ATOH8: variants seen among roughly 807,000 people sequenced by gnomAD.
ATOH8 encodes the protein atonal bHLH transcription factor 8, also known as transcription factor ATOH8.
ATOH8 carries 9 observed loss-of-function variants against 21.2 expected under a neutral mutation model. The ratio of observed to expected loss-of-function variants is 0.42; its 90% CI spans 0.26 to 0.74. The LOEUF (loss-of-function observed/expected upper bound fraction) is 0.74. Ranked by LOEUF, ATOH8 falls within the 30% of genes least tolerant of loss-of-function variation. The pLI is 0.24. For synonymous variants in ATOH8, 253 were observed against 224.0 expected, an observed-to-expected ratio of 1.13 and a Z score of -1.16; for missense variants, 524 against 470.9, an observed-to-expected ratio of 1.11 and a Z score of -1.04.
At chr2:85,760,859 G>C (rs1679851413) in intron 1 of ATOH8, 1 of 152,276 alleles carries the variant, frequency 6.6e-6, no homozygotes, top group Non-Finnish European at 1.5e-5. Flanking sequence ...ATGAGGAAAC[G>C]GAGGCTCTGA....
At chr2:85,757,380 C>A (rs1031384991) in intron 1 of ATOH8, among the ~76,000 whole-genome samples, 2 of 152,252 alleles carry the variant, frequency 1.3e-5, no homozygotes, top group Admixed American at 6.5e-5. Flanking sequence ...CTCCGCACCC[C>A]CTCCCCGAAT....
At chr2:85,771,723 G>A (rs1368879983) in intron 2 of ATOH8, among the ~76,000 whole-genome samples, 1 of 152,194 alleles carries the variant, frequency 6.6e-6, no homozygotes. Context: ...AATCGGCACT[G>A]CAGCAGACCA....
Position 85,766,948 on chromosome 2 carries a change from C to G in ATOH8, c.960+2766C>G, listed in dbSNP as rs1388885249. ...TGGTCCCCTCGGCAGATGTCCTGCC[C>G]CAGAGTGGACTCATGGGCCCTGACA... On this transcript the variant is annotated intron_variant, in intron 2 of 2. Coordinates refer to ENST00000306279, the MANE Select transcript of ATOH8 (RefSeq NM_032827.7). The surrounding 1 kb of genome is among the most constrained non-coding windows in gnomAD (Gnocchi z 4.0). Among the ~76,000 whole-genome samples, 3 of 152,134 alleles carry G rather than the reference C, an allele frequency of 2.0e-5. No homozygotes were observed. The highest frequency in any genetic ancestry group is 4.4e-5 in the Non-Finnish European group (3 of 68,016).
chr2:85,759,298 C>A (rs947392868), intron 1 of ATOH8, among the ~76,000 whole-genome samples: 2 of 152,202 alleles, frequency 1.3e-5, no homozygotes, highest in Admixed American at 1.3e-4. Context: ...GCACTGGGGG[C>A]TCCATGCAGG....
Position 85,786,934 on chromosome 2 carries a change from C to T in ATOH8, c.*44C>T. ...AAGGCCACCACTGTGGGCCCTCCTT[C>T]CAGTCAGGCCTGAGGACAAGGTGAG... On this transcript the variant is annotated 3_prime_UTR_variant, in exon 3 of 3. Transcript: ENST00000306279. 1 of 1,613,976 alleles carries T rather than the reference C, an allele frequency of 6.2e-7. No individual in the cohort carries two copies. Among genetic ancestry groups the T allele is most frequent in the African/African-American group, 1.3e-5 (1 of 75,048 alleles).
rs775152803 is a variant in ATOH8, at chr2:85,754,726, G to A, written c.537G>A (p.Val179=). 3.1e-6 allele frequency: 5 copies of A among 1,612,176 alleles called. No individual in the cohort carries two copies. In the African/African-American group the frequency reaches 6.7e-5, roughly 22 times the overall value. ...PAPPAPPEST[V]RPAPPTRPGE... ...CGCCAGCGCCCCCGGAGTCCACTGTGCGCCCTGCGCCCCCGACGCGCCCCG... is the reference window on the plus strand; with the variant it reads ...CGCCAGCGCCCCCGGAGTCCACTGTACGCCCTGCGCCCCCGACGCGCCCCG... Residue 179 remains valine, a synonymous_variant, in exon 1 of 3, where the codon GTG becomes GTA. Transcript: ENST00000306279.
At chr2:85,778,787 G>T (rs1680404665) in intron 2 of ATOH8, among the ~76,000 whole-genome samples, 2 of 152,250 alleles carry the variant, frequency 1.3e-5, no homozygotes, top group African/African-American at 4.8e-5. Context: ...AGGCAGGCCT[G>T]ATGGGGACCC....
rs1679593235 is a variant in ATOH8 at position 85,754,213 on chromosome 2, G to A, written c.24G>A (p.Glu8=). ...CCATGAAGCACATCCCGGTCCTCGA[G>A]GACGGGCCGTGGAAGACCGTGTGCG... MKHIPVL[E]DGPWKTVCVK... The change falls in exon 1 of 3, where the codon GAG becomes GAA. Residue 8 remains glutamate (E), a synonymous_variant. Coordinates refer to ENST00000306279, the MANE Select transcript of ATOH8 (RefSeq NM_032827.7). 1 of 1,599,632 alleles carries A rather than the reference G, an allele frequency of 6.3e-7. No homozygotes were observed. Among genetic ancestry groups the A allele is most frequent in the Non-Finnish European group, 8.5e-7 (1 of 1,174,634 alleles).
intron 2 of ATOH8, among the ~76,000 whole-genome samples, chr2:85,772,316 G>A (rs917542365): frequency 5.3e-5 from 8 of 152,226 alleles, no homozygotes; most frequent in Non-Finnish European, 1.2e-4. Context: ...CCATTCGGGC[G>A]CTGTGGTTTT....
At chr2:85,780,105 G>T (rs1281863234) in intron 2 of ATOH8, among the ~76,000 whole-genome samples, 1 of 152,190 alleles carries the variant, frequency 6.6e-6, no homozygotes, top group Non-Finnish European at 1.5e-5. Flanking sequence ...GGCCCTCATT[G>T]TCCTGGACTA....
rs1245278166 is a variant in ATOH8 at position 85,788,499 on chromosome 2, C to T, written c.*1609C>T. On this transcript the variant is annotated 3_prime_UTR_variant, in exon 3 of 3. Transcript: ENST00000306279. ...TTCCAGCCCCATCACCAGTCCCAGC[C>T]CAAAGTCTCTTGTGTGGCCTTGTCA... Among the ~76,000 whole-genome samples the T allele has an allele frequency of 1.3e-5, 2 of 152,168 alleles. No individual in the cohort carries two copies. Among genetic ancestry groups the T allele is most frequent in the African/African-American group, 4.8e-5 (2 of 41,434 alleles).
chr2:85,788,220 G>C lies in ATOH8; in HGVS notation c.*1330G>C, dbSNP rs181317265. On this transcript the variant is annotated 3_prime_UTR_variant, in exon 3 of 3. Coordinates refer to ENST00000306279, the MANE Select transcript of ATOH8 (RefSeq NM_032827.7). ...GAGTGTGTGTGTCTGTGTGTGGAAG[G>C]GGGTGGAGGGCGGTTCCCACAGTAG... Among the ~76,000 whole-genome samples the C allele has an allele frequency of 6.5e-4, 99 of 151,992 alleles. 1 individual carries two copies. The highest frequency in any genetic ancestry group is 1.3e-3 in the Non-Finnish European group (90 of 67,940).
At chr2:85,771,398 C>T (rs1311153077) in intron 2 of ATOH8, among the ~76,000 whole-genome samples, 1 of 152,178 alleles carries the variant, frequency 6.6e-6, no homozygotes, top group Non-Finnish European at 1.5e-5. Context: ...GGCTGGTGTT[C>T]CCGGTGAGTG....
chr2:85,756,453 G>A (rs936658104), intron 1 of ATOH8, among the ~76,000 whole-genome samples: 4 of 152,198 alleles, frequency 2.6e-5, no homozygotes, highest in African/African-American at 9.7e-5. Flanking sequence ...AGACTGGGGA[G>A]GCACGTGCCC....
chr2:85,769,072 A>G (rs549542648), intron 2 of ATOH8, among the ~76,000 whole-genome samples: 127 of 152,296 alleles, frequency 8.3e-4, no homozygotes, highest in African/African-American at 2.9e-3. Context: ...AAAGAGGAAG[A>G]CAAGGAGGAG....
chr2:85,754,527 C>T lies in ATOH8; in HGVS notation c.338C>T (p.Ala113Val), dbSNP rs959307736. 8 of 1,431,000 alleles carry T rather than the reference C, an allele frequency of 5.6e-6. No homozygotes were observed. In the Admixed American group the frequency reaches 1.9e-4, roughly 33 times the overall value. 88.6% of individuals were successfully genotyped at this position (1,431,000 alleles called of 1,614,324 possible). A position where few individuals can be genotyped will look rare whatever the true frequency, so the allele number is the denominator to read the frequency against. ...EVSDARKRCF[A>V]LGAVGPGLPT... ...TCCGACGCGCGGAAACGCTGCTTCGCCCTAGGCGCAGTGGGGCCAGGACTC... is the reference window on the plus strand; with the variant it reads ...TCCGACGCGCGGAAACGCTGCTTCGTCCTAGGCGCAGTGGGGCCAGGACTC... Residue 113 changes from alanine to valine, a missense_variant, in exon 1 of 3, where the codon GCC becomes GTC. Physicochemically the swap from Ala to Val is moderately conservative, Grantham distance 64. Coordinates refer to ENST00000306279, the MANE Select transcript of ATOH8 (RefSeq NM_032827.7).
rs1386859766 is a variant in ATOH8, at chr2:85,786,894, G to A, written c.*4G>A. On this transcript the variant is annotated 3_prime_UTR_variant, in exon 3 of 3. Coordinates refer to ENST00000306279, the MANE Select transcript of ATOH8 (RefSeq NM_032827.7). ...TGGTCATGTCTTTCAGGAGTGACTGGCTGCAGGCAAGACCAAGGCCACCAC... is the reference window on the plus strand; with the variant it reads ...TGGTCATGTCTTTCAGGAGTGACTGACTGCAGGCAAGACCAAGGCCACCAC... The A allele has an allele frequency of 6.2e-7, 1 of 1,614,158 alleles. No homozygotes were observed. Among genetic ancestry groups the A allele is most frequent in the Non-Finnish European group, 8.5e-7 (1 of 1,180,008 alleles).
Position 85,789,256 on chromosome 2 carries a change from T to C in ATOH8, c.*2366T>C, listed in dbSNP as rs986494386. Among the ~76,000 whole-genome samples the C allele has an allele frequency of 6.6e-6, 1 of 152,166 alleles. No individual in the cohort carries two copies. Among genetic ancestry groups the C allele is most frequent in the Non-Finnish European group, 1.5e-5 (1 of 68,032 alleles). Reference sequence around the variant, plus strand: ...GTTTCCCTTTCATTCTGAAGCATCATTGATGACCAGCTGCCTGTCAGACAC... The same window carrying C: ...GTTTCCCTTTCATTCTGAAGCATCACTGATGACCAGCTGCCTGTCAGACAC... On this transcript the variant is annotated 3_prime_UTR_variant, in exon 3 of 3. Transcript: ENST00000306279.
At position 85,766,475 on chromosome 2, in the gene ATOH8, G is replaced by A. The variant is rs1386672462; in HGVS notation, c.960+2293G>A. 2.0e-5 allele frequency among the ~76,000 whole-genome samples: 3 copies of A among 152,036 alleles called. No homozygotes were observed. The highest frequency in any genetic ancestry group is 4.8e-5 in the African/African-American group (2 of 41,382). On this transcript the variant is annotated intron_variant, in intron 2 of 2. Coordinates refer to ENST00000306279, the MANE Select transcript of ATOH8 (RefSeq NM_032827.7). This position sits in a 1 kb window ranked among gnomAD's most constrained non-coding sequence, Gnocchi z 4.0. ...TTGCCCTAATGACCTTCATGGTCTC[G>A]CAGACTCACATCATATGTGTGGTGA...
Sources: gnomAD v4.1 joint callset for allele counts (sites outside exome capture counted in the v4.1 genomes callset) on GRCh38, gnomAD v4.1.1 for gene constraint, Gnocchi (gnomAD v3.1) non-coding constraint, MANE v1.5 for transcripts, NCBI Gene and HGNC (gene_info 2026-07-23, HGNC 2026-07-21) for gene names.